Variants in GRIA1 observed in about 807,000 individuals in gnomAD.
The protein encoded by GRIA1 is glutamate ionotropic receptor AMPA type subunit 1.
Under a neutral mutation model 99.2 loss-of-function variants are expected in GRIA1, and 31 were observed. The ratio of observed to expected loss-of-function variants is 0.31; its 90% CI spans 0.23 to 0.42. GRIA1 has a LOEUF of 0.42. Among genes scored for constraint, GRIA1 ranks in the 10% least tolerant of loss-of-function variants. The pLI is 1.00. For missense variants in GRIA1, 782 were observed against 1,157.5 expected, an observed-to-expected ratio of 0.68 and a Z score of 4.71; for synonymous variants, 438 against 432.4, an observed-to-expected ratio of 1.01 and a Z score of -0.16.
At chr5:153,500,395 G>A (rs1242134436) in intron 2 of GRIA1, among the ~76,000 whole-genome samples, 2 of 151,014 alleles carry the variant, frequency 1.3e-5, no homozygotes, top group Non-Finnish European at 3.0e-5. Context: ...TTTTCCCACT[G>A]AATCTACACG....
At chr5:153,725,144 AC>A (rs1760414447) in intron 11 of GRIA1, among the ~76,000 whole-genome samples, 1 of 151,990 alleles carries the variant, frequency 6.6e-6, no homozygotes, top group Non-Finnish European at 1.5e-5. Flanking sequence ...ATCCAGCCAA[AC>A]TAAGCTTCAT....
chr5:153,524,876 G>A (rs1757464223), intron 2 of GRIA1, among the ~76,000 whole-genome samples: 1 of 152,182 alleles, frequency 6.6e-6, no homozygotes, highest in Non-Finnish European at 1.5e-5. Context: ...TATTGCTACT[G>A]AAAGTCAAAG....
At chr5:153,646,891 CA>C (rs775993217) in intron 2 of GRIA1, 36 bp from the exon 3 acceptor site, 9 of 1,600,950 alleles carry the variant, frequency 5.6e-6, no homozygotes, top group Non-Finnish European at 7.7e-6. Flanking sequence ...CCACTTTTTG[CA>C]GTCTTCTATT....
chr5:153,560,104 G>A (rs1241984994), intron 2 of GRIA1, among the ~76,000 whole-genome samples: 2 of 152,154 alleles, frequency 1.3e-5, no homozygotes, highest in Non-Finnish European at 2.9e-5. Flanking sequence ...GAAAATCCAC[G>A]GAAACTTGGC....
chr5:153,494,090 G>C, intron 2 of GRIA1, 25 bp downstream of exon 2: 1 of 1,611,132 alleles, frequency 6.2e-7, no homozygotes, highest in Middle Eastern at 1.7e-4. Flanking sequence ...CTATTTCTGA[G>C]ATGTCTTTCT....
chr5:153,702,120 C>T (rs956108590), intron 10 of GRIA1, among the ~76,000 whole-genome samples: 5 of 152,230 alleles, frequency 3.3e-5, no homozygotes, highest in African/African-American at 1.2e-4. Flanking sequence ...TTGTACTCCA[C>T]ACTGGGACAT....
intron 13 of GRIA1, among the ~76,000 whole-genome samples, chr5:153,775,783 G>A (rs866262422): frequency 6.6e-6 from 1 of 151,242 alleles, no homozygotes; most frequent in Non-Finnish European, 1.5e-5. Context: ...GAGAGTCAAC[G>A]TTTGCGTGGT....
chr5:153,806,588 C>T (rs914944921), intron 15 of GRIA1, among the ~76,000 whole-genome samples: 1 of 152,156 alleles, frequency 6.6e-6, no homozygotes, highest in Non-Finnish European at 1.5e-5. Context: ...AAGGCCTTAA[C>T]CCCCTAAACT....
chr5:153,684,236 G>T (rs191010418), intron 7 of GRIA1, among the ~76,000 whole-genome samples: 59 of 150,360 alleles, frequency 3.9e-4, no homozygotes, highest in Non-Finnish European at 7.1e-4. Context: ...GTGTGCAAGT[G>T]TGTCATAAAC....
At chr5:153,665,791 A>C (rs959174947) in intron 5 of GRIA1, among the ~76,000 whole-genome samples, 1 of 152,176 alleles carries the variant, frequency 6.6e-6, no homozygotes, top group African/African-American at 2.4e-5. Context: ...AAACAGATAA[A>C]AAGCAGAGCT....
chr5:153,500,510 T>C (rs2113234929), intron 2 of GRIA1, among the ~76,000 whole-genome samples: 1 of 152,100 alleles, frequency 6.6e-6, no homozygotes, highest in Admixed American at 6.6e-5. Flanking sequence ...GCATTGATTT[T>C]CCTCTTAAGG....
At chr5:153,548,571 A>G (rs1291886780) in intron 2 of GRIA1, among the ~76,000 whole-genome samples, 1 of 152,176 alleles carries the variant, frequency 6.6e-6, no homozygotes, top group Non-Finnish European at 1.5e-5. Flanking sequence ...TTTATACAAA[A>G]CTAACTTCAG....
intron 2 of GRIA1, among the ~76,000 whole-genome samples, chr5:153,611,427 G>C (rs1319744477): frequency 1.3e-5 from 2 of 152,088 alleles, no homozygotes; most frequent in Non-Finnish European, 2.9e-5. Flanking sequence ...CCTTTGGTTA[G>C]AACTTTACAT....
intron 2 of GRIA1, among the ~76,000 whole-genome samples, chr5:153,536,809 A>T (rs1389287): frequency 0.99 from 150,107 of 152,342 alleles, 73,985 homozygotes; most frequent in East Asian, 1. Flanking sequence ...ATTTTTCTAC[A>T]TCTTTAATAT....
chr5:153,652,443 ATT>A (rs1033878635), intron 4 of GRIA1, among the ~76,000 whole-genome samples: 1 of 152,140 alleles, frequency 6.6e-6, no homozygotes, highest in Non-Finnish European at 1.5e-5. Flanking sequence ...CAATTCCCCT[ATT>A]TTATAGATGA....
chr5:153,802,182 G>A (rs986430493), intron 14 of GRIA1, among the ~76,000 whole-genome samples, 174 bp from the exon 15 acceptor site: 1 of 151,996 alleles, frequency 6.6e-6, no homozygotes, highest in Non-Finnish European at 1.5e-5. Context: ...TTTTTTCCTG[G>A]GGAATGTTTA....
chr5:153,790,681 C>A (rs542695705), intron 13 of GRIA1, among the ~76,000 whole-genome samples: 1 of 152,154 alleles, frequency 6.6e-6, no homozygotes, highest in Non-Finnish European at 1.5e-5. Context: ...ATTATTTGAA[C>A]ATCTTTACTT....
At chr5:153,643,687 C>T (rs947894531) in intron 2 of GRIA1, among the ~76,000 whole-genome samples, 1 of 152,164 alleles carries the variant, frequency 6.6e-6, no homozygotes, top group East Asian at 1.9e-4. Context: ...TAAATCCAGG[C>T]CAGGCTACCT....
chr5:153,539,755 T>G (rs1266897050), intron 2 of GRIA1, among the ~76,000 whole-genome samples: 3 of 152,226 alleles, frequency 2.0e-5, no homozygotes, highest in Non-Finnish European at 2.9e-5. Context: ...TGGAAATTTT[T>G]CCTGTTTTTA....
Sources: gnomAD v4.1 joint callset for allele counts (sites outside exome capture counted in the v4.1 genomes callset) on GRCh38, gnomAD v4.1.1 for gene constraint, MANE v1.5 for transcripts, NCBI Gene and HGNC (gene_info 2026-07-23, HGNC 2026-07-21) for gene names.